Variants in PTPRS observed in about 807,000 individuals in gnomAD.
PTPRS encodes the protein protein tyrosine phosphatase receptor type S.
PTPRS carries 63 observed loss-of-function variants against 215.3 expected under a neutral mutation model. That is an observed-to-expected ratio of 0.29 (90% CI 0.24 to 0.36). The LOEUF (loss-of-function observed/expected upper bound fraction) is 0.36, where lower values mean the gene tolerates loss of function less well. PTPRS is among the 10% of genes least tolerant of loss of function. The pLI, the probability that PTPRS is intolerant of heterozygous loss-of-function variation, is 1.00. For synonymous variants in PTPRS, 1,404 were observed against 1,191.4 expected, an observed-to-expected ratio of 1.18 and a Z score of -3.68; for missense variants, 2,258 against 2,825.8, an observed-to-expected ratio of 0.80 and a Z score of 4.56.
intron 1 of PTPRS, 56 bp from the exon 2 acceptor site, chr19:5,286,290 A>G: frequency 1.2e-6 from 1 of 818,868 alleles, no homozygotes; most frequent in Non-Finnish European, 2.0e-6. Context: ...GGAGACCTTC[A>G]TGGAGGAGGC....
chr19:5,328,817 G>A (rs867646008), intron 1 of PTPRS, among the ~76,000 whole-genome samples: 14 of 152,152 alleles, frequency 9.2e-5, no homozygotes, highest in Middle Eastern at 3.2e-3. Context: ...CAGCTACTCA[G>A]GAGGTTGAGG....
At chr19:5,239,392 G>A (rs945854185) in intron 12 of PTPRS, among the ~76,000 whole-genome samples, 3 of 150,416 alleles carry the variant, frequency 2.0e-5, no homozygotes, top group Admixed American at 6.6e-5. Context: ...GAGACAGAGG[G>A]ACACAGTGAC....
At chr19:5,291,374 G>C (rs1019849189) in intron 1 of PTPRS, among the ~76,000 whole-genome samples, 3 of 152,120 alleles carry the variant, frequency 2.0e-5, no homozygotes, top group African/African-American at 7.2e-5. Flanking sequence ...TTTGAGGCCA[G>C]AGCCCGGCTC....
intron 1 of PTPRS, among the ~76,000 whole-genome samples, chr19:5,310,462 C>T (rs1052984547): frequency 5.3e-5 from 8 of 151,310 alleles, no homozygotes; most frequent in Non-Finnish European, 3.0e-5. Flanking sequence ...GGATTACAGG[C>T]GCCCACCACC....
chr19:5,301,227 G>A (rs570231977), intron 1 of PTPRS, among the ~76,000 whole-genome samples: 285 of 151,678 alleles, frequency 1.9e-3, no homozygotes, highest in Middle Eastern at 3.4e-3. Context: ...CAGAATGGCC[G>A]GTCCCCCCGC....
At chr19:5,313,078 C>G (rs1233950372) in intron 1 of PTPRS, among the ~76,000 whole-genome samples, 1 of 152,216 alleles carries the variant, frequency 6.6e-6, no homozygotes, top group African/African-American at 2.4e-5. Context: ...CCAACTCCAG[C>G]TAATTTTTTT....
chr19:5,235,401 C>T (rs1186598625), intron 13 of PTPRS, among the ~76,000 whole-genome samples: 5 of 152,186 alleles, frequency 3.3e-5, no homozygotes, highest in Non-Finnish European at 7.3e-5. Context: ...TTTGCACACA[C>T]TGTGCCAAGG....
In PTPRS at chr19:5,257,970, G is replaced by T. The variant is rs1568495884; in HGVS notation, c.706+47C>A. ...GGTGAGCCCGAGGAGGGAGGGGGATGGGACGGGGCGGGTCCCTGCCTTTGA... is the reference window on the plus strand; with the variant it reads ...GGTGAGCCCGAGGAGGGAGGGGGATTGGACGGGGCGGGTCCCTGCCTTTGA... On this transcript the variant is annotated intron_variant, in intron 8 of 37. Coordinates refer to ENST00000262963, the MANE Select transcript of PTPRS (RefSeq NM_002850.4). The surrounding 1 kb of genome is among the most constrained non-coding windows in gnomAD (Gnocchi z 4.4). 1 of 1,512,200 alleles carries T rather than the reference G, an allele frequency of 6.6e-7. No homozygotes were observed. Among genetic ancestry groups the T allele is most frequent in the Non-Finnish European group, 9.1e-7 (1 of 1,098,134 alleles). The allele number at this position is 1,512,200 out of a possible 1,614,324, so 93.7% of individuals were successfully genotyped here.
chr19:5,277,180 C>T (rs879801912), intron 2 of PTPRS, among the ~76,000 whole-genome samples: 13 of 151,766 alleles, frequency 8.6e-5, no homozygotes, highest in Non-Finnish European at 1.8e-4. Context: ...CTGCCTCAGC[C>T]TCCCAAGTAG....
rs2049838257 is a variant in PTPRS, at chr19:5,315,350, GGTTTTTTTTTTTTTTTT to G, written c.-95+25297_-95+25313del. Among the ~76,000 whole-genome samples, 3 of 101,298 alleles carry G rather than the reference GGTTTTTTTTTTTTTTTT, an allele frequency of 3.0e-5. 1 individual carries two copies. The highest frequency in any genetic ancestry group is 5.7e-5 in the Non-Finnish European group (3 of 52,780). The allele number at this position is 101,298 out of a possible 152,430, so 66.5% of individuals were successfully genotyped here. A position where few individuals can be genotyped will look rare whatever the true frequency, so the allele number is the denominator to read the frequency against. ...TCATGGAGAATTTTTATTTGAAAAG[GGTTTTTTTTTTTTTTTT>G]TTTTTTTTTTTTTTGAGACAGAGTC... On this transcript the variant is annotated intron_variant, in intron 1 of 37. Transcript: ENST00000262963.
Position 5,223,423 on chromosome 19 carries a change from C to G in PTPRS, c.2495-126G>C, listed in dbSNP as rs1341523383. ...TTTTTTTGAGTTGGGGGGGGTCTTA[C>G]TCTGTTGCCCAGCCTGGAGTGCAAT... On this transcript the variant is annotated intron_variant, in intron 17 of 37. Transcript: ENST00000262963. 1.2e-5 allele frequency: 14 copies of G among 1,174,370 alleles called. No homozygotes were observed. In the East Asian group the frequency reaches 4.3e-4, roughly 36 times the overall value. The allele number at this position is 1,174,370 out of a possible 1,614,324, so 72.7% of individuals were successfully genotyped here.
intron 32 of PTPRS, 80 bp downstream of exon 32, chr19:5,211,863 CTGCCACCACCTTCTAGTCCCCA>C (rs1219864114): frequency 4.1e-5 from 65 of 1,569,622 alleles, no homozygotes; most frequent in Non-Finnish European, 5.5e-5. Context: ...TAGGGGCACC[CTGCCACCACCTTCTAGTCCCCA>C]TTGCTCGAGG....
At chr19:5,329,121 G>T (rs899406550) in intron 1 of PTPRS, among the ~76,000 whole-genome samples, 3 of 152,136 alleles carry the variant, frequency 2.0e-5, no homozygotes, top group Non-Finnish European at 4.4e-5. Flanking sequence ...CAATGGCGGG[G>T]TAGGGGTGGC....
chr19:5,241,122 C>T (rs1371778556), intron 11 of PTPRS, among the ~76,000 whole-genome samples: 1 of 151,800 alleles, frequency 6.6e-6, no homozygotes, highest in Non-Finnish European at 1.5e-5. Context: ...CTCCTGACCT[C>T]AACTGATCCT....
chr19:5,273,102 G>A, intron 4 of PTPRS: 1 of 313,728 alleles, frequency 3.2e-6, no homozygotes, highest in Non-Finnish European at 6.1e-6. Context: ...TGAACCTGAA[G>A]CCAGCCACTC....
At chr19:5,226,704 G>A (rs910859124) in intron 16 of PTPRS, among the ~76,000 whole-genome samples, 1 of 152,226 alleles carries the variant, frequency 6.6e-6, no homozygotes, top group African/African-American at 2.4e-5. Flanking sequence ...AGCCAACATC[G>A]TGGCACTGTA....
At chr19:5,260,369 G>A (rs1409952829) in intron 7 of PTPRS, among the ~76,000 whole-genome samples, 2 of 152,050 alleles carry the variant, frequency 1.3e-5, no homozygotes, top group East Asian at 1.9e-4. Context: ...TAGTAGAGAT[G>A]GGGTTTGACC....
intron 2 of PTPRS, among the ~76,000 whole-genome samples, chr19:5,280,766 G>C (rs1460677254): frequency 2.0e-5 from 3 of 149,034 alleles, no homozygotes; most frequent in African/African-American, 7.4e-5. Flanking sequence ...ACCATGTACA[G>C]GAATGCACAG....
At position 5,338,118 on chromosome 19, in the gene PTPRS, G is replaced by A. The variant is rs775481410; in HGVS notation, c.-95+2546C>T. On this transcript the variant is annotated intron_variant, in intron 1 of 37. Coordinates refer to ENST00000262963, the MANE Select transcript of PTPRS (RefSeq NM_002850.4). The surrounding 1 kb of genome is among the most constrained non-coding windows in gnomAD (Gnocchi z 4.2). The stretch of plus-strand genomic sequence containing the variant: ...ACCCATCTCCCGCGGGGAGTGGGGA[G>A]CGGGCCAGTCCACCGCCTCTTGGGA... Among the ~76,000 whole-genome samples the A allele has an allele frequency of 7.2e-5, 11 of 152,268 alleles. No homozygotes were observed. Among genetic ancestry groups the A allele is most frequent in the South Asian group, 2.1e-4 (1 of 4,818 alleles).
Sources: gnomAD v4.1 joint callset for allele counts (sites outside exome capture counted in the v4.1 genomes callset) on GRCh38, gnomAD v4.1.1 for gene constraint, Gnocchi (gnomAD v3.1) non-coding constraint, MANE v1.5 for transcripts, NCBI Gene and HGNC (gene_info 2026-07-23, HGNC 2026-07-21) for gene names.